Variants in KPNA3 observed in about 807,000 individuals in gnomAD.
KPNA3 encodes the protein importin subunit alpha-4.
Under a neutral mutation model 73.8 loss-of-function variants are expected in KPNA3, and 13 were observed. The ratio of observed to expected loss-of-function variants is 0.18; its 90% CI spans 0.11 to 0.28. The LOEUF (loss-of-function observed/expected upper bound fraction) is 0.28, where lower values mean the gene tolerates loss of function less well. KPNA3 is among the 10% of genes least tolerant of loss of function. The pLI is 1.00. For synonymous variants in KPNA3, 186 were observed against 206.9 expected, an observed-to-expected ratio of 0.90 and a Z score of 0.87; for missense variants, 360 against 618.1, an observed-to-expected ratio of 0.58 and a Z score of 4.43.
chr13:49,779,215 T>A lies in KPNA3; in HGVS notation c.69+13223A>T, dbSNP rs530262270. Among the ~76,000 whole-genome samples the A allele has an allele frequency of 2.2e-4, 34 of 152,322 alleles. 1 individual carries two copies. The South Asian group carries it at 7.0e-3, about 32-fold the overall frequency. ...ATCTTATATAATTAACTGAAAATTG[T>A]TCATTACTGTTACCAAAATAACAAT... On this transcript the variant is annotated intron_variant, in intron 1 of 16. Coordinates refer to ENST00000261667, the MANE Select transcript of KPNA3 (RefSeq NM_002267.4).
chr13:49,758,765 T>C (rs7328560), intron 1 of KPNA3, among the ~76,000 whole-genome samples: 21,957 of 140,974 alleles, frequency 0.16, 3,119 homozygotes, highest in East Asian at 0.6. Flanking sequence ...CACACACACA[T>C]ATGTTTATAT....
chr13:49,758,653 CT>C (rs1349376944), intron 1 of KPNA3, among the ~76,000 whole-genome samples: 2 of 151,958 alleles, frequency 1.3e-5, no homozygotes, highest in Non-Finnish European at 2.9e-5. Flanking sequence ...TCCCATAGTC[CT>C]GAATTTGAAT....
At chr13:49,782,620 T>G (rs1051021102) in intron 1 of KPNA3, among the ~76,000 whole-genome samples, 1 of 152,180 alleles carries the variant, frequency 6.6e-6, no homozygotes, top group Non-Finnish European at 1.5e-5. Context: ...GGCTCATGCC[T>G]GTAATCCCAG....
chr13:49,746,064 G>GAAAAAAAAAAAAAA (rs398022733), intron 2 of KPNA3, among the ~76,000 whole-genome samples: 1 of 83,086 alleles, frequency 1.2e-5, no homozygotes. Flanking sequence ...CTCTGCATCA[G>GAAAAAAAAAAAAAA]AAAAAAAAAA....
chr13:49,778,728 A>G (rs1386165808), intron 1 of KPNA3, among the ~76,000 whole-genome samples: 6 of 152,052 alleles, frequency 3.9e-5, no homozygotes, highest in Non-Finnish European at 8.8e-5. Flanking sequence ...CTCCCACCTC[A>G]GCCTCCCAAG....
intron 1 of KPNA3, among the ~76,000 whole-genome samples, chr13:49,768,665 G>A (rs1343952458): frequency 2.1e-5 from 3 of 145,170 alleles, no homozygotes; most frequent in South Asian, 2.2e-4. Context: ...TCTCACTAGG[G>A]ATCACAACTG....
chr13:49,766,994 A>G (rs1870674421), intron 1 of KPNA3, among the ~76,000 whole-genome samples: 1 of 141,678 alleles, frequency 7.1e-6, no homozygotes, highest in South Asian at 2.3e-4. Context: ...TAATCAAGTT[A>G]GGATTTTTTT....
chr13:49,787,917 T>TGCTGG (rs1954998157), intron 1 of KPNA3, among the ~76,000 whole-genome samples: 1 of 152,152 alleles, frequency 6.6e-6, no homozygotes, highest in East Asian at 1.9e-4. Flanking sequence ...TGACCTCGGG[T>TGCTGG]GATCCACCTG....
At chr13:49,790,293 C>T (rs746647910) in intron 1 of KPNA3, among the ~76,000 whole-genome samples, 4 of 152,070 alleles carry the variant, frequency 2.6e-5, no homozygotes, top group Non-Finnish European at 5.9e-5. Flanking sequence ...AAAGCGAGAC[C>T]CCGTCTCTAA....
At chr13:49,753,090 A>G (rs1954680675) in intron 1 of KPNA3, among the ~76,000 whole-genome samples, 1 of 150,930 alleles carries the variant, frequency 6.6e-6, no homozygotes, top group Non-Finnish European at 1.5e-5. Flanking sequence ...AAAGGCACTT[A>G]GATTTTAAAT....
chr13:49,759,119 A>G (rs1395324642), intron 1 of KPNA3, among the ~76,000 whole-genome samples: 2 of 152,234 alleles, frequency 1.3e-5, no homozygotes, highest in African/African-American at 4.8e-5. Flanking sequence ...GAATTCAAAC[A>G]CACATAGATT....
At chr13:49,750,992 GA>G (rs1008103611) in intron 1 of KPNA3, among the ~76,000 whole-genome samples, 4 of 147,284 alleles carry the variant, frequency 2.7e-5, no homozygotes, top group Non-Finnish European at 3.0e-5. Context: ...ATTCTGTCTC[GA>G]AAAAAAAAAG....
At position 49,777,968 on chromosome 13, in the gene KPNA3, A is replaced by G. The variant is rs540802999; in HGVS notation, c.69+14470T>C. On this transcript the variant is annotated intron_variant, in intron 1 of 16. Coordinates refer to ENST00000261667, the MANE Select transcript of KPNA3 (RefSeq NM_002267.4). ...ACATAACCCACATTAACCCACATCAACCTGCTTAGCCCACATAATCCACAT... is the reference window on the plus strand; with the variant it reads ...ACATAACCCACATTAACCCACATCAGCCTGCTTAGCCCACATAATCCACAT... Among the ~76,000 whole-genome samples the G allele has an allele frequency of 3.3e-5, 5 of 152,194 alleles. No homozygotes were observed. The South Asian group carries it at 6.2e-4, about 19-fold the overall frequency.
chr13:49,746,895 AT>A (rs34993439), intron 2 of KPNA3, 53 bp downstream of exon 2: 2 of 1,352,908 alleles, frequency 1.5e-6, no homozygotes, highest in Admixed American at 1.7e-5. Flanking sequence ...GATACACAGA[AT>A]TTTAACATCA....
intron 1 of KPNA3, among the ~76,000 whole-genome samples, chr13:49,779,842 A>G (rs1223739008): frequency 2.6e-5 from 4 of 152,064 alleles, no homozygotes; most frequent in Non-Finnish European, 5.9e-5. Flanking sequence ...ACTGGCCCCC[A>G]AAGAGCAAAT....
intron 9 of KPNA3, among the ~76,000 whole-genome samples, chr13:49,721,293 T>C (rs916825840): frequency 7.9e-5 from 12 of 152,212 alleles, no homozygotes; most frequent in African/African-American, 2.7e-4. Flanking sequence ...GTAAGTATAC[T>C]AGTTTTGCCT....
At chr13:49,762,381 G>A (rs972900529) in intron 1 of KPNA3, among the ~76,000 whole-genome samples, 8 of 152,236 alleles carry the variant, frequency 5.3e-5, no homozygotes, top group African/African-American at 1.7e-4. Flanking sequence ...ACAGCTCATC[G>A]AGAACGGGCC....
At chr13:49,704,480 AATAG>A (rs1566330915) in intron 15 of KPNA3, among the ~76,000 whole-genome samples, 1 of 104,514 alleles carries the variant, frequency 9.6e-6, no homozygotes, top group African/African-American at 4.6e-5. Context: ...TAAATAAATA[AATAG>A]AAAGAAAGAA....
chr13:49,721,308 C>T (rs1023652465), intron 9 of KPNA3, among the ~76,000 whole-genome samples: 1 of 152,176 alleles, frequency 6.6e-6, no homozygotes, highest in African/African-American at 2.4e-5. Flanking sequence ...TTGCCTGTAG[C>T]AACCCCCTTT....
Sources: gnomAD v4.1 joint callset for allele counts (sites outside exome capture counted in the v4.1 genomes callset) on GRCh38, gnomAD v4.1.1 for gene constraint, MANE v1.5 for transcripts, NCBI Gene and HGNC (gene_info 2026-07-23, HGNC 2026-07-21) for gene names.